COL5A1: variants seen among roughly 807,000 people sequenced by gnomAD.
COL5A1 encodes the protein collagen type V alpha 1 chain.
In COL5A1, 16 loss-of-function variants were observed where a neutral mutation model predicts 263.7. That is an observed-to-expected ratio of 0.06 (90% confidence interval 0.04 to 0.09). The LOEUF is 0.09. Among genes scored for constraint, COL5A1 ranks in the 10% least tolerant of loss-of-function variants. COL5A1 has a pLI of 1.00. For missense variants in COL5A1, 2,036 were observed against 2,540.5 expected (o/e 0.80, Z 4.27); for synonymous variants, 1,012 against 1,004.5 (o/e 1.01, Z -0.14).
At chr9:134,824,472 C>T in intron 61 of COL5A1, 128 bp from the exon 62 acceptor site, 1 of 1,149,354 alleles carries the variant, frequency 8.7e-7, no homozygotes, top group Non-Finnish European at 1.2e-6. Flanking sequence ...GACAGATGTC[C>T]ATGTAGCCCA....
chr9:134,745,765 C>G (rs936191540), intron 11 of COL5A1, among the ~76,000 whole-genome samples: 1 of 152,196 alleles, frequency 6.6e-6, no homozygotes, highest in Non-Finnish European at 1.5e-5. Context: ...AATGTCTTCT[C>G]TCTTAGTTCT....
rs578120493 is a variant in COL5A1 at position 134,754,113 on chromosome 9, T to C, written c.1774-160T>C. Among the ~76,000 whole-genome samples the C allele has an allele frequency of 6.6e-6, 1 of 152,324 alleles. No homozygotes were observed. The highest frequency in any genetic ancestry group is 1.9e-4 in the East Asian group (1 of 5,178). The stretch of plus-strand genomic sequence containing the variant: ...GGCTGTATTCTGTCCCTGGCCTTCA[T>C]TCTGGGCAGCAGATCCGTGTCCCGT... On this transcript the variant is annotated intron_variant, in intron 15 of 65. Coordinates refer to ENST00000371817, the MANE Select transcript of COL5A1 (RefSeq NM_000093.5). This position sits in a 1 kb window ranked among gnomAD's most constrained non-coding sequence, Gnocchi z 4.3.
At chr9:134,699,269 G>A (rs889398522) in intron 2 of COL5A1, among the ~76,000 whole-genome samples, 2 of 152,164 alleles carry the variant, frequency 1.3e-5, no homozygotes, top group Non-Finnish European at 2.9e-5. Context: ...TGTTGTAAGA[G>A]GTAATTCCTC....
intron 24 of COL5A1, 124 bp downstream of exon 24, chr9:134,767,478 G>A (rs1016073727): frequency 9.0e-6 from 8 of 892,476 alleles, no homozygotes; most frequent in East Asian, 7.8e-5. Flanking sequence ...CCCAAGAGAC[G>A]CCAAAGCTCA....
Position 134,751,073 on chromosome 9 carries a change from C to T in COL5A1, c.1662+191C>T, listed in dbSNP as rs180750774. Reference sequence around the variant, plus strand: ...CAGTGTCCAGTAGGGACCCCGAGAGCATGTCAGTGTCCAGTAGGGGCTCTG... The same window carrying T: ...CAGTGTCCAGTAGGGACCCCGAGAGTATGTCAGTGTCCAGTAGGGGCTCTG... On this transcript the variant is annotated intron_variant, in intron 13 of 65. Coordinates refer to ENST00000371817, the MANE Select transcript of COL5A1 (RefSeq NM_000093.5). Among the ~76,000 whole-genome samples, 46 of 152,068 alleles carry T rather than the reference C, an allele frequency of 3.0e-4. No homozygotes were observed. In the East Asian group the frequency reaches 8.5e-3, roughly 28 times the overall value.
chr9:134,654,564 T>A (rs922756697), intron 1 of COL5A1, among the ~76,000 whole-genome samples: 2 of 23,106 alleles, frequency 8.7e-5, no homozygotes, highest in Non-Finnish European at 1.7e-4. Flanking sequence ...TAGGGCTGGG[T>A]GTGTGTAGGG....
At chr9:134,810,390 G>A (rs1284557334) in intron 44 of COL5A1, 82 bp downstream of exon 44, 20 of 1,356,424 alleles carry the variant, frequency 1.5e-5, no homozygotes, top group Admixed American at 1.1e-4. Context: ...TGCCATGCAC[G>A]TTCTCTTCCA....
At chr9:134,708,325 C>A (rs993838864) in intron 4 of COL5A1, 1 of 319,812 alleles carries the variant, frequency 3.1e-6, no homozygotes, top group Admixed American at 4.4e-5. Flanking sequence ...CAGGGCTTCT[C>A]GGAGGCAGTG....
At chr9:134,756,927 A>G in intron 17 of COL5A1, 109 bp downstream of exon 17, 1 of 1,105,446 alleles carries the variant, frequency 9.0e-7, no homozygotes, top group Non-Finnish European at 1.4e-6. Context: ...TTATGATGAC[A>G]GGTGGCTCCG....
chr9:134,757,518 T>C lies in COL5A1; in HGVS notation c.1881+700T>C, dbSNP rs1348904175. Among the ~76,000 whole-genome samples, 2 of 152,142 alleles carry C rather than the reference T, an allele frequency of 1.3e-5. No individual in the cohort carries two copies. Among genetic ancestry groups the C allele is most frequent in the Non-Finnish European group, 2.9e-5 (2 of 68,022 alleles). ...AAATGCCAGGGCTCAACTACACCTG[T>C]TCCCTCTTAACGGGCGTGGATGAGC... On this transcript the variant is annotated intron_variant, in intron 17 of 65. Transcript: ENST00000371817. The surrounding 1 kb of genome is among the most constrained non-coding windows in gnomAD (Gnocchi z 6.2).
chr9:134,719,437 C>T (rs927620667), intron 4 of COL5A1, among the ~76,000 whole-genome samples: 2 of 152,266 alleles, frequency 1.3e-5, no homozygotes, highest in Non-Finnish European at 2.9e-5. Flanking sequence ...CGTATGTATG[C>T]ACACACACAG....
intron 63 of COL5A1, among the ~76,000 whole-genome samples, chr9:134,827,230 C>A (rs756834302): frequency 6.6e-6 from 1 of 152,170 alleles, no homozygotes. Context: ...CCCCAGGGAC[C>A]GCCATCCCCT....
intron 2 of COL5A1, among the ~76,000 whole-genome samples, chr9:134,697,651 C>T (rs1461083471): frequency 6.6e-6 from 1 of 152,168 alleles, no homozygotes; most frequent in African/African-American, 2.4e-5. Flanking sequence ...GCCCCATGCA[C>T]TCCCAGGGAT....
At chr9:134,711,050 C>G (rs1834027983) in intron 4 of COL5A1, among the ~76,000 whole-genome samples, 1 of 151,734 alleles carries the variant, frequency 6.6e-6, no homozygotes, top group Non-Finnish European at 1.5e-5. Context: ...GAGGGGACCA[C>G]TTGGGGGGGC....
At position 134,841,379 on chromosome 9, in the gene COL5A1, A is replaced by C. The variant is rs1031999453; in HGVS notation, c.5371-778A>C. 6.6e-6 allele frequency among the ~76,000 whole-genome samples: 1 copy of C among 152,140 alleles called. No individual in the cohort carries two copies. The highest frequency in any genetic ancestry group is 2.4e-5 in the African/African-American group (1 of 41,434). On this transcript the variant is annotated intron_variant, in intron 65 of 65. Transcript: ENST00000371817. This position sits in a 1 kb window ranked among gnomAD's most constrained non-coding sequence, Gnocchi z 4.8. ...GGTGGCTTTGGGGAGGGACCAAAGA[A>C]TCTCACACCTGCGCTGCCTGTGTTC...
chr9:134,824,742 C>T lies in COL5A1; in HGVS notation c.4841C>T (p.Ser1614Phe), dbSNP rs1296261306. The T allele has an allele frequency of 1.2e-6, 2 of 1,614,090 alleles. No individual in the cohort carries two copies. The highest frequency in any genetic ancestry group is 1.7e-6 in the Non-Finnish European group (2 of 1,180,056). ...GACGGCATGGAAGAGATCTTCGGCT[C>T]TCTCAACTCTCTGAAGCTGGAGATT... Reference protein sequence around the residue: ...YADGMEEIFGSLNSLKLEIEQ... With the variant: ...YADGMEEIFGFLNSLKLEIEQ... The change falls in exon 62 of 66, where the codon TCT (serine) becomes TTT (phenylalanine). Residue 1614 changes from serine (S) to phenylalanine (F), a missense_variant. Physicochemically the swap from Ser to Phe is radical, Grantham distance 155. Transcript: ENST00000371817.
chr9:134,759,265 C>G (rs1836119969), intron 18 of COL5A1, among the ~76,000 whole-genome samples: 1 of 113,188 alleles, frequency 8.8e-6, no homozygotes, highest in Admixed American at 9.1e-5. Flanking sequence ...TGCGCGCACA[C>G]ACTCATACAC....
At chr9:134,784,842 G>A (rs7873607) in intron 29 of COL5A1, 147 bp from the exon 30 acceptor site, 10 of 670,850 alleles carry the variant, frequency 1.5e-5, no homozygotes, top group East Asian at 5.5e-5. Context: ...GAGCAGCTCC[G>A]TGGTCTGAGT....
At chr9:134,796,827 C>G (rs1457963797) in intron 35 of COL5A1, 21 bp from the exon 36 acceptor site, 2 of 1,613,272 alleles carry the variant, frequency 1.2e-6, no homozygotes, top group Non-Finnish European at 8.5e-7. Flanking sequence ...TGTCCTCAAA[C>G]TGGCCTTTCT....
Sources: gnomAD v4.1 joint callset for allele counts (sites outside exome capture counted in the v4.1 genomes callset) on GRCh38, gnomAD v4.1.1 for gene constraint, Gnocchi (gnomAD v3.1) non-coding constraint, MANE v1.5 for transcripts, NCBI Gene and HGNC (gene_info 2026-07-23, HGNC 2026-07-21) for gene names.